POTEE: variants seen among roughly 807,000 people sequenced by gnomAD.
The protein encoded by POTEE is POTE ankyrin domain family member E.
A neutral mutation model predicts 74.2 loss-of-function variants in POTEE; 21 were observed. The observed-to-expected ratio is 0.28, with a 90% CI of 0.20 to 0.41. The LOEUF is 0.41. Among genes scored for constraint, POTEE ranks in the 10% least tolerant of loss-of-function variants. The pLI, the probability that POTEE is intolerant of heterozygous loss-of-function variation, is 1.00. For missense variants in POTEE, 525 were observed against 1,158.6 expected (o/e 0.45, Z 7.94); for synonymous variants, 211 against 432.8 (o/e 0.49, Z 6.36).
At chr2:131,233,461 CAAAG>C (rs1392458886) in intron 9 of POTEE, among the ~76,000 whole-genome samples, 1 of 152,106 alleles carries the variant, frequency 6.6e-6, no homozygotes, top group African/African-American at 2.4e-5. Flanking sequence ...AACCAGGAGA[CAAAG>C]GAAGTTTTCG....
intron 1 of POTEE, among the ~76,000 whole-genome samples, chr2:131,210,129 G>T (rs1700325986): frequency 6.8e-6 from 1 of 148,136 alleles, no homozygotes; most frequent in Non-Finnish European, 1.5e-5. Flanking sequence ...GTGGTTATTT[G>T]GAGCTACAAT....
Position 131,264,989 on chromosome 2 carries a change from C to T in POTEE, c.*306C>T. Reference sequence around the variant, plus strand: ...AGCCCCTTGCCCTGCTAAAAGCCATCCCACTTCTCTCTAAGGAGAATGGCC... The same window carrying T: ...AGCCCCTTGCCCTGCTAAAAGCCATTCCACTTCTCTCTAAGGAGAATGGCC... On this transcript the variant is annotated 3_prime_UTR_variant, in exon 18 of 18. Coordinates refer to ENST00000683005, the MANE Select transcript of POTEE (RefSeq NM_001083538.3). The T allele has an allele frequency of 1.8e-6, 1 of 564,574 alleles. No homozygotes were observed. The highest frequency in any genetic ancestry group is 3.1e-6 in the Non-Finnish European group (1 of 324,690). 35.0% of individuals were successfully genotyped at this position (564,574 alleles called of 1,614,324 possible).
intron 2 of POTEE, among the ~76,000 whole-genome samples, chr2:131,212,734 TTG>T (rs1700384171): frequency 6.6e-6 from 1 of 150,404 alleles, no homozygotes; most frequent in African/African-American, 2.5e-5. Context: ...CCAGCTAACT[TTG>T]TGTTTTTAAT....
In POTEE at chr2:131,211,003, T is replaced by TA. The variant is rs1438616165; in HGVS notation, c.-344-24dup. ...GCATGACAAGGTGAGGCTCTAACGT[T>TA]ACCACTCCCTGCATCCCATTCTAGG... is the stretch of plus-strand genomic sequence containing the variant. On this transcript the variant is annotated intron_variant, in intron 1 of 17. Transcript: ENST00000683005. Among the ~76,000 whole-genome samples the TA allele has an allele frequency of 1.5e-4, 23 of 151,046 alleles. 1 individual carries two copies. Among genetic ancestry groups the TA allele is most frequent in the African/African-American group, 5.7e-4 (23 of 40,450 alleles).
Position 131,223,706 on chromosome 2 carries a change from T to A in POTEE, c.632T>A (p.Ile211Lys). ...VLDNKKRTAL[I>K]KAVQCQEDEC... ...GACAACAAAAAGAGGACAGCTCTGA[T>A]AAAGGTATGCAGTAGCCAACTATAT... Residue 211 changes from isoleucine (I) to lysine (K), a missense_variant, in exon 5 of 18, where the codon ATA becomes AAA. Coordinates refer to ENST00000683005, the MANE Select transcript of POTEE (RefSeq NM_001083538.3). 1 of 1,610,520 alleles carries A rather than the reference T, an allele frequency of 6.2e-7. No homozygotes were observed.
chr2:131,212,601 G>A (rs1327437411), intron 2 of POTEE, among the ~76,000 whole-genome samples: 38 of 111,260 alleles, frequency 3.4e-4, no homozygotes, highest in Non-Finnish European at 5.0e-4. Context: ...TTTTGCTCTT[G>A]TTGCCCAGGC....
At chr2:131,231,709 C>T (rs1700966305) in intron 9 of POTEE, among the ~76,000 whole-genome samples, 1 of 152,060 alleles carries the variant, frequency 6.6e-6, no homozygotes, top group Non-Finnish European at 1.5e-5. Flanking sequence ...GCTCTGCTAC[C>T]ATTTGCCAAA....
At chr2:131,232,831 T>C (rs1381983895) in intron 9 of POTEE, among the ~76,000 whole-genome samples, 1 of 151,892 alleles carries the variant, frequency 6.6e-6, no homozygotes, top group African/African-American at 2.4e-5. Context: ...CATCTTGTTC[T>C]CACAACACAA....
chr2:131,215,418 CAT>C (rs1423764426), intron 2 of POTEE, among the ~76,000 whole-genome samples: 4 of 152,052 alleles, frequency 2.6e-5, no homozygotes, highest in Non-Finnish European at 4.4e-5. Context: ...CTGTGTGACT[CAT>C]GAGAGAGGGA....
intron 2 of POTEE, among the ~76,000 whole-genome samples, 32 bp from the exon 3 acceptor site, chr2:131,217,557 C>G (rs1236752896): frequency 6.7e-6 from 1 of 149,534 alleles, no homozygotes; most frequent in Non-Finnish European, 1.5e-5. Flanking sequence ...AGCCCCAGTC[C>G]TCCTTTAAGA....
chr2:131,217,871 G>T (rs1700485118), intron 3 of POTEE, among the ~76,000 whole-genome samples, 188 bp downstream of exon 3: 1 of 150,012 alleles, frequency 6.7e-6, no homozygotes, highest in South Asian at 2.1e-4. Flanking sequence ...GCCTGTAACG[G>T]CTTGCACGCG....
chr2:131,232,766 A>G (rs1210564515), intron 9 of POTEE, among the ~76,000 whole-genome samples: 5 of 151,158 alleles, frequency 3.3e-5, no homozygotes, highest in East Asian at 1.9e-4. Context: ...TGTGCTGTTG[A>G]CAGTGTTTTA....
rs549659865 is a variant in POTEE, at chr2:131,221,897, C to G, written c.522-1699C>G. Among the ~76,000 whole-genome samples the G allele has an allele frequency of 4.7e-3, 718 of 152,336 alleles. 6 individuals are homozygous for G. Among genetic ancestry groups the G allele is most frequent in the African/African-American group, 0.016 (670 of 41,564 alleles). ...CCCAAGCTGTGTTCATCCATTCTTTCAATCCATTTAGTCATCAGACATAAG... is the reference window on the plus strand; with the variant it reads ...CCCAAGCTGTGTTCATCCATTCTTTGAATCCATTTAGTCATCAGACATAAG... On this transcript the variant is annotated intron_variant, in intron 4 of 17. Coordinates refer to ENST00000683005, the MANE Select transcript of POTEE (RefSeq NM_001083538.3).
chr2:131,237,270 C>T (rs999525696), intron 10 of POTEE, among the ~76,000 whole-genome samples: 2 of 151,514 alleles, frequency 1.3e-5, no homozygotes, highest in African/African-American at 4.9e-5. Flanking sequence ...GAGCTGGATT[C>T]ATGGTTAAGG....
In POTEE at chr2:131,211,114, T is replaced by C. The variant is rs1042738676; in HGVS notation, c.-258T>C. On this transcript the variant is annotated 5_prime_UTR_variant, in exon 2 of 18. It removes an upstream start codon present in the reference 5' UTR. Transcript: ENST00000683005. ...CACCTGTGGTACGCTGGAGCCTGCA[T>C]GTGGCGTGACTCTGCAGCTCGCCTC... 2.7e-4 allele frequency among the ~76,000 whole-genome samples: 41 copies of C among 151,702 alleles called. No individual in the cohort carries two copies. Among genetic ancestry groups the C allele is most frequent in the African/African-American group, 9.0e-4 (37 of 41,072 alleles).
At chr2:131,258,679 T>C (rs1313182238) in intron 16 of POTEE, among the ~76,000 whole-genome samples, 2 of 143,336 alleles carry the variant, frequency 1.4e-5, no homozygotes, top group East Asian at 4.2e-4. Flanking sequence ...GAGATCATTT[T>C]ATTTTCAAAC....
intron 4 of POTEE, among the ~76,000 whole-genome samples, chr2:131,221,446 G>T (rs1049163363): frequency 7.2e-5 from 11 of 152,140 alleles, no homozygotes; most frequent in African/African-American, 2.7e-4. Context: ...CTGGGGATTT[G>T]TAAGTGAAGT....
intron 2 of POTEE, among the ~76,000 whole-genome samples, chr2:131,213,077 T>G (rs988169020): frequency 3.6e-4 from 54 of 151,766 alleles, no homozygotes; most frequent in Non-Finnish European, 6.6e-4. Context: ...TCTCCTGCCT[T>G]GGCCCCCTGA....
intron 2 of POTEE, among the ~76,000 whole-genome samples, 157 bp from the exon 3 acceptor site, chr2:131,217,432 C>T (rs1384666206): frequency 8.8e-6 from 1 of 113,878 alleles, no homozygotes; most frequent in African/African-American, 3.5e-5. Flanking sequence ...TTGCAGCCAG[C>T]TCCGTCAGCC....
Sources: gnomAD v4.1 joint callset for allele counts (sites outside exome capture counted in the v4.1 genomes callset) on GRCh38, gnomAD v4.1.1 for gene constraint, MANE v1.5 for transcripts, NCBI Gene and HGNC (gene_info 2026-07-23, HGNC 2026-07-21) for gene names.